The following GPAM variants were observed in gnomAD, a reference collection of about 807,000 sequenced individuals.
GPAM encodes the protein glycerol-3-phosphate acyltransferase 1, mitochondrial.
A neutral mutation model predicts 105.0 loss-of-function variants in GPAM; 56 were observed. The observed-to-expected ratio is 0.53, with a 90% CI of 0.43 to 0.67. The LOEUF (loss-of-function observed/expected upper bound fraction) is 0.67, where lower values mean the gene tolerates loss of function less well. Among genes scored for constraint, GPAM ranks in the 30% least tolerant of loss-of-function variants. The probability of loss-of-function intolerance (pLI) is 0.00; values close to 1 mark genes in which losing one functional copy is unlikely to be tolerated. For missense variants in GPAM, 855 were observed against 989.8 expected (o/e 0.86, Z 1.83); for synonymous variants, 368 against 354.4 (o/e 1.04, Z -0.43).
intron 7 of GPAM, among the ~76,000 whole-genome samples, chr10:112,173,368 G>A (rs893303633): frequency 6.6e-6 from 1 of 152,124 alleles, no homozygotes; most frequent in Admixed American, 6.6e-5. Context: ...AATATTTAGT[G>A]AGCAGAATGA....
chr10:112,185,601 C>G (rs1276334890), upstream of GPAM, among the ~76,000 whole-genome samples: 1 of 73,854 alleles, frequency 1.4e-5, no homozygotes, highest in Non-Finnish European at 3.0e-5. Context: ...CACACACACA[C>G]ACACACACAC....
chr10:112,225,654 G>C, the GPAM span, among the ~76,000 whole-genome samples: 1 of 151,976 alleles, frequency 6.6e-6, no homozygotes, highest in African/African-American at 2.4e-5. Flanking sequence ...AGCCCTCTCT[G>C]ACCTCTCCAT....
At chr10:112,154,597 T>C (rs375579044) in intron 21 of GPAM, 32 bp downstream of exon 21, 2 of 1,462,630 alleles carry the variant, frequency 1.4e-6, no homozygotes, top group Non-Finnish European at 1.9e-6. Flanking sequence ...GAAGTTGAGA[T>C]AGCTTTTATA....
At position 112,153,315 on chromosome 10, in the gene GPAM, T is replaced by C; in HGVS notation, c.*235A>G. ...ATTTCATCTTGTAGTCTACGGATTATGAGTTGCGAATAGAGGCTGAGGTCC... is the reference window on the plus strand; with the variant it reads ...ATTTCATCTTGTAGTCTACGGATTACGAGTTGCGAATAGAGGCTGAGGTCC... On this transcript the variant is annotated 3_prime_UTR_variant, in exon 22 of 22. Coordinates refer to ENST00000348367, the MANE Select transcript of GPAM (RefSeq NM_001244949.2). 2 of 1,394,352 alleles carry C rather than the reference T, an allele frequency of 1.4e-6. No individual in the cohort carries two copies. The highest frequency in any genetic ancestry group is 1.9e-6 in the Non-Finnish European group (2 of 1,074,092). 86.4% of individuals were successfully genotyped at this position (1,394,352 alleles called of 1,614,324 possible).
rs7074014 is a variant in GPAM at position 112,152,016 on chromosome 10, G to A, written c.*1534C>T. On this transcript the variant is annotated 3_prime_UTR_variant, in exon 22 of 22. Coordinates refer to ENST00000348367, the MANE Select transcript of GPAM (RefSeq NM_001244949.2). ...CATTATTGCTATGAGTTTCAAACAT[G>A]GTATTTCATACAATGTGAAATATCA... 1.3e-3 allele frequency: 1,269 copies of A among 968,388 alleles called. 11 individuals are homozygous for A. In the African/African-American group the frequency reaches 0.02, roughly 15 times the overall value. The allele number at this position is 968,388 out of a possible 1,614,324, so 60.0% of individuals were successfully genotyped here. A position where few individuals can be genotyped will look rare whatever the true frequency, so the allele number is the denominator to read the frequency against.
At chr10:112,188,083 AAAAG>A (rs1847615960), upstream of GPAM, among the ~76,000 whole-genome samples, 1 of 152,168 alleles carries the variant, frequency 6.6e-6, no homozygotes, top group Non-Finnish European at 1.5e-5. Context: ...ATACTAGAAA[AAAAG>A]AAAGATCTCA....
At chr10:112,224,164 A>G in the GPAM span, among the ~76,000 whole-genome samples, 1 of 152,234 alleles carries the variant, frequency 6.6e-6, no homozygotes, top group Non-Finnish European at 1.5e-5. Context: ...AGTAATAATG[A>G]ATATAAAAGT....
upstream of GPAM, among the ~76,000 whole-genome samples, chr10:112,220,258 C>T (rs1283717561): frequency 2.6e-5 from 4 of 151,248 alleles, no homozygotes; most frequent in Admixed American, 1.3e-4. Context: ...AAAACCCTAG[C>T]CTCTGAATGT....
At chr10:112,196,672 T>C (rs1341423078) in intron 1 of GPAM, among the ~76,000 whole-genome samples, 1 of 152,252 alleles carries the variant, frequency 6.6e-6, no homozygotes, top group African/African-American at 2.4e-5. Flanking sequence ...TCTTACTCCA[T>C]ACAATATTTG....
intron 2 of GPAM, 92 bp from the exon 3 acceptor site, chr10:112,181,905 C>A (rs1207369950): frequency 2.9e-6 from 2 of 687,380 alleles, no homozygotes; most frequent in African/African-American, 1.8e-5. Context: ...CTTTGCTCCA[C>A]AATGGGATAT....
chr10:112,171,928 T>A (rs943847235), intron 9 of GPAM, among the ~76,000 whole-genome samples: 3 of 152,146 alleles, frequency 2.0e-5, no homozygotes, highest in African/African-American at 7.2e-5. Context: ...ATCTATTTGA[T>A]AAACAATGCC....
Position 112,154,615 on chromosome 10 carries a change from T to A in GPAM, c.2370+14A>T. 3.9e-6 allele frequency: 6 copies of A among 1,554,666 alleles called. No individual in the cohort carries two copies. The highest frequency in any genetic ancestry group is 5.3e-6 in the Non-Finnish European group (6 of 1,125,740). The stretch of plus-strand genomic sequence containing the variant: ...GTTGAGATAGCTTTTATACCATAAA[T>A]GGTGGACACCTACCCCAATATCCTT... On this transcript the variant is annotated intron_variant, in intron 21 of 21. Coordinates refer to ENST00000348367, the MANE Select transcript of GPAM (RefSeq NM_001244949.2).
At chr10:112,155,816 CAA>C (rs5787948) in intron 20 of GPAM, 46 bp downstream of exon 20, 2,858 of 1,040,002 alleles carry the variant, frequency 2.7e-3, no homozygotes, top group Admixed American at 3.2e-3. Context: ...TTCTGAAATC[CAA>C]AAAAAAAAAA....
Position 112,161,757 on chromosome 10 carries a change from C to CT in GPAM, c.1424-21dup. 1 of 1,608,834 alleles carries CT rather than the reference C, an allele frequency of 6.2e-7. No homozygotes were observed. The highest frequency in any genetic ancestry group is 8.5e-7 in the Non-Finnish European group (1 of 1,175,286). On this transcript the variant is annotated intron_variant, in intron 14 of 21. Coordinates refer to ENST00000348367, the MANE Select transcript of GPAM (RefSeq NM_001244949.2). The stretch of plus-strand genomic sequence containing the variant: ...TAGCAGCTGGAAGGCAAACACAAAG[C>CT]TTTTTTTAGTTGCACTTTTTACAAA...
Position 112,168,856 on chromosome 10 carries a change from A to T in GPAM, c.891T>A (p.His297Gln). The T allele has an allele frequency of 6.3e-7, 1 of 1,575,168 alleles. No individual in the cohort carries two copies. Among genetic ancestry groups the T allele is most frequent in the East Asian group, 2.2e-5 (1 of 44,710 alleles). The stretch of plus-strand genomic sequence containing the variant: ...GATAATTAGAGATCACACATACCCC[A>T]TGGAGCAAAGCTCTATAGAGAACAT... ...RKDVLYRALL[H>Q]GHIVELLRQQ... The change falls in exon 10 of 22, where the codon CAT becomes CAA. Residue 297 changes from histidine to glutamine, a missense_variant. By Grantham distance (24) the His-to-Gln change is conservative. Transcript: ENST00000348367.
chr10:112,188,241 G>T (rs1042583017), upstream of GPAM, among the ~76,000 whole-genome samples: 8 of 152,080 alleles, frequency 5.3e-5, no homozygotes, highest in African/African-American at 1.9e-4. Context: ...AATTGAAACT[G>T]AAAGTTAATT....
chr10:112,213,874 G>A (rs1847940400), intron 1 of GPAM, among the ~76,000 whole-genome samples: 2 of 152,182 alleles, frequency 1.3e-5, no homozygotes, highest in African/African-American at 4.8e-5. Flanking sequence ...CAATGGCAAA[G>A]GGAGAAAATG....
chr10:112,218,826 A>G (rs184659461), upstream of GPAM, among the ~76,000 whole-genome samples: 1 of 152,302 alleles, frequency 6.6e-6, no homozygotes, highest in East Asian at 1.9e-4. Context: ...GTAAACTGTC[A>G]TGGTGCACGT....
intron 1 of GPAM, among the ~76,000 whole-genome samples, chr10:112,208,030 A>G (rs1377411930): frequency 6.6e-6 from 1 of 152,198 alleles, no homozygotes; most frequent in Non-Finnish European, 1.5e-5. Flanking sequence ...CCTGGTGGAC[A>G]TTTTGTTGTA....
Sources: allele counts gnomAD v4.1 joint callset (sites outside exome capture counted in the v4.1 genomes callset), GRCh38; gene constraint gnomAD v4.1.1; transcripts MANE v1.5; gene names NCBI Gene and HGNC (gene_info 2026-07-23, HGNC 2026-07-21).